The following CNTNAP2 variants were observed in gnomAD, a reference collection of about 807,000 sequenced individuals.
The protein encoded by CNTNAP2 is contactin associated protein 2.
A neutral mutation model predicts 155.2 loss-of-function variants in CNTNAP2; 98 were observed. The ratio of observed to expected loss-of-function variants is 0.63; its 90% CI spans 0.54 to 0.75. The LOEUF (loss-of-function observed/expected upper bound fraction) is 0.75, where lower values mean the gene tolerates loss of function less well. Ranked by LOEUF, CNTNAP2 falls within the 30% of genes least tolerant of loss-of-function variation. The pLI, the probability that CNTNAP2 is intolerant of heterozygous loss-of-function variation, is 0.00. For synonymous variants in CNTNAP2, 651 were observed against 631.2 expected (o/e 1.03, Z -0.47); for missense variants, 1,727 against 1,688.1 (o/e 1.02, Z -0.40).
intron 1 of CNTNAP2, among the ~76,000 whole-genome samples, chr7:146,386,512 C>G (rs1302696516): frequency 6.6e-6 from 1 of 152,158 alleles, no homozygotes; most frequent in Non-Finnish European, 1.5e-5. Context: ...CCTCAGCCTC[C>G]CGAGTAGCTG....
At chr7:147,042,485 G>A (rs1039563811) in intron 3 of CNTNAP2, among the ~76,000 whole-genome samples, 5 of 152,060 alleles carry the variant, frequency 3.3e-5, no homozygotes, top group African/African-American at 1.2e-4. Flanking sequence ...CTACAAACTT[G>A]CATTTGTGTT....
rs1029662962 is a variant in CNTNAP2, at chr7:147,432,017, T to C, written c.1670+36237T>C. ...ACATGCATCTCAAATGCATTTCCCA[T>C]TTCTTATATCCTGAAATCTGACCTG... On this transcript the variant is annotated intron_variant, in intron 10 of 23. Transcript: ENST00000361727. Among the ~76,000 whole-genome samples the C allele has an allele frequency of 2.0e-5, 3 of 152,214 alleles. No individual in the cohort carries two copies. The East Asian group carries it at 5.8e-4, about 29-fold the overall frequency.
intron 1 of CNTNAP2, among the ~76,000 whole-genome samples, chr7:146,366,527 A>C (rs1274269556): frequency 6.6e-6 from 1 of 152,182 alleles, no homozygotes; most frequent in Admixed American, 6.5e-5. Context: ...AAACTTCAAA[A>C]AAAAAATCCT....
Position 148,217,529 on chromosome 7 carries a change from G to A in CNTNAP2, c.3247+5G>A. On this transcript the variant is annotated splice_donor_5th_base_variant and intron_variant, in intron 19 of 23. Transcript: ENST00000361727. Reference sequence around the variant, plus strand: ...CAGTCCTCGTCAAACCCACTGGTAAGGACAAGGATACCCAGCCTCTGCCAT... The same window carrying A: ...CAGTCCTCGTCAAACCCACTGGTAAAGACAAGGATACCCAGCCTCTGCCAT... 1.2e-6 allele frequency: 2 copies of A among 1,613,392 alleles called. No individual in the cohort carries two copies. The highest frequency in any genetic ancestry group is 8.5e-7 in the Non-Finnish European group (1 of 1,179,298).
chr7:147,110,147 A>C (rs574594530), intron 5 of CNTNAP2, among the ~76,000 whole-genome samples: 21 of 151,866 alleles, frequency 1.4e-4, no homozygotes, highest in Non-Finnish European at 2.2e-4. Context: ...TTGTTTTCAA[A>C]CTCCTGACCT....
chr7:146,118,311 A>G (rs1324318777), intron 1 of CNTNAP2, among the ~76,000 whole-genome samples: 4 of 152,202 alleles, frequency 2.6e-5, no homozygotes, highest in African/African-American at 9.6e-5. Flanking sequence ...AACATTGTAT[A>G]GCATTTTTTA....
intron 1 of CNTNAP2, among the ~76,000 whole-genome samples, chr7:146,307,262 C>A (rs1345481374): frequency 6.6e-6 from 1 of 152,108 alleles, no homozygotes; most frequent in Non-Finnish European, 1.5e-5. Flanking sequence ...CCTAGGAATG[C>A]AACTTAGAAG....
intron 14 of CNTNAP2, among the ~76,000 whole-genome samples, chr7:147,920,025 G>A (rs1439912683): frequency 6.6e-6 from 1 of 151,996 alleles, no homozygotes; most frequent in East Asian, 1.9e-4. Flanking sequence ...TTGGTATAGA[G>A]TGAAAGTTCA....
chr7:148,020,151 T>A (rs555481859), intron 15 of CNTNAP2, among the ~76,000 whole-genome samples: 1 of 152,208 alleles, frequency 6.6e-6, no homozygotes, highest in African/African-American at 2.4e-5. Flanking sequence ...TTAGTTGCCA[T>A]GTAATTGAGG....
chr7:147,788,296 A>G (rs1168278113), intron 13 of CNTNAP2, among the ~76,000 whole-genome samples: 2 of 152,204 alleles, frequency 1.3e-5, no homozygotes, highest in Non-Finnish European at 2.9e-5. Flanking sequence ...GAAGACCTTA[A>G]AGAGGTAACT....
intron 13 of CNTNAP2, among the ~76,000 whole-genome samples, chr7:147,808,900 A>G (rs73742364): frequency 0.012 from 1,835 of 152,306 alleles, 47 homozygotes; most frequent in African/African-American, 0.041. Context: ...ACTCAAAGGC[A>G]GGCAGTAGGA....
intron 12 of CNTNAP2, among the ~76,000 whole-genome samples, chr7:147,616,488 T>C (rs1183249735): frequency 6.6e-6 from 1 of 152,092 alleles, no homozygotes; most frequent in Non-Finnish European, 1.5e-5. Context: ...CTCTTTTCTC[T>C]CTTTATTGTA....
chr7:148,303,800 G>A (rs151256682), intron 21 of CNTNAP2, among the ~76,000 whole-genome samples: 125 of 152,302 alleles, frequency 8.2e-4, no homozygotes, highest in African/African-American at 2.9e-3. Context: ...AATTGGAAAC[G>A]TGTTTAATGG....
intron 8 of CNTNAP2, among the ~76,000 whole-genome samples, chr7:147,176,007 A>G (rs1802330910): frequency 6.6e-6 from 1 of 152,160 alleles, no homozygotes; most frequent in African/African-American, 2.4e-5. Flanking sequence ...AAAGAAGGAC[A>G]TTTTGTGTGT....
At chr7:148,398,582 A>G (rs1799517401) in intron 22 of CNTNAP2, among the ~76,000 whole-genome samples, 1 of 152,198 alleles carries the variant, frequency 6.6e-6, no homozygotes, top group African/African-American at 2.4e-5. Flanking sequence ...ACAGAGGGAG[A>G]GTAAAAGGAA....
At chr7:146,708,364 T>G (rs1191186976) in intron 1 of CNTNAP2, among the ~76,000 whole-genome samples, 1 of 152,002 alleles carries the variant, frequency 6.6e-6, no homozygotes, top group African/African-American at 2.4e-5. Flanking sequence ...TAACCACTTG[T>G]TAGAAATTTC....
At chr7:146,813,474 T>A (rs1476880259) in intron 2 of CNTNAP2, among the ~76,000 whole-genome samples, 2 of 152,152 alleles carry the variant, frequency 1.3e-5, no homozygotes, top group Non-Finnish European at 2.9e-5. Context: ...CTATAGCCCC[T>A]TTGTTTTGGC....
chr7:146,357,465 A>T lies in CNTNAP2; in HGVS notation c.97+240492A>T, dbSNP rs536459586. Reference sequence around the variant, plus strand: ...CATATCTTATCATATAATCTATATGAGTGTAGCTTATAGATTACATCTTAT... The same window carrying T: ...CATATCTTATCATATAATCTATATGTGTGTAGCTTATAGATTACATCTTAT... On this transcript the variant is annotated intron_variant, in intron 1 of 23. Transcript: ENST00000361727. Among the ~76,000 whole-genome samples, 5 of 152,220 alleles carry T rather than the reference A, an allele frequency of 3.3e-5. No individual in the cohort carries two copies. In the East Asian group the frequency reaches 9.7e-4, roughly 29 times the overall value.
chr7:146,245,355 C>T (rs6944125), intron 1 of CNTNAP2, among the ~76,000 whole-genome samples: 13,299 of 151,758 alleles, frequency 0.088, 1,840 homozygotes, highest in African/African-American at 0.3. Flanking sequence ...AAAGTATATG[C>T]GTCAGCTATG....
Sources: gnomAD v4.1 joint callset for allele counts (sites outside exome capture counted in the v4.1 genomes callset) on GRCh38, gnomAD v4.1.1 for gene constraint, MANE v1.5 for transcripts, NCBI Gene and HGNC (gene_info 2026-07-23, HGNC 2026-07-21) for gene names.